GABBR2: variants seen among roughly 807,000 people sequenced by gnomAD.
GABBR2 encodes gamma-aminobutyric acid type B receptor subunit 2, also known as G-protein coupled receptor 51.
A neutral mutation model predicts 105.6 loss-of-function variants in GABBR2; 23 were observed. That is an observed-to-expected ratio of 0.22 (90% CI 0.16 to 0.31). The LOEUF is 0.31. Among genes scored for constraint, GABBR2 ranks in the 10% least tolerant of loss-of-function variants. The pLI, the probability that GABBR2 is intolerant of heterozygous loss-of-function variation, is 1.00. For synonymous variants in GABBR2, 478 were observed against 499.7 expected, an observed-to-expected ratio of 0.96 and a Z score of 0.58; for missense variants, 734 against 1,245.5, an observed-to-expected ratio of 0.59 and a Z score of 6.18.
intron 6 of GABBR2, among the ~76,000 whole-genome samples, chr9:98,455,754 C>T (rs534248507): frequency 1.3e-5 from 2 of 152,304 alleles, no homozygotes; most frequent in South Asian, 2.1e-4. Context: ...TGGAGCCCAC[C>T]GGGGCCAAGA....
intron 1 of GABBR2, among the ~76,000 whole-genome samples, chr9:98,627,287 C>T (rs1292704076): frequency 2.0e-5 from 3 of 152,118 alleles, no homozygotes; most frequent in Non-Finnish European, 4.4e-5. Context: ...CCATCATCTT[C>T]CTCGGAGGCC....
In GABBR2 at chr9:98,454,209, C is replaced by A. The variant is rs1826284928; in HGVS notation, c.1008G>T (p.Gln336His). 1 of 1,610,366 alleles carries A rather than the reference C, an allele frequency of 6.2e-7. No homozygotes were observed. The highest frequency in any genetic ancestry group is 8.5e-7 in the Non-Finnish European group (1 of 1,176,550). ...TGTTGTTGTACTCTCTCTCATACTG[C>A]TGTGGAGTCTGGAAAAACAGGGGAT... Reference protein sequence around the residue: ...QIKTISGKTPQQYEREYNNKR... With the variant: ...QIKTISGKTPHQYEREYNNKR... Residue 336 changes from glutamine (Q) to histidine (H), a missense_variant, in exon 7 of 19, where the codon CAG becomes CAT. This residue lies in a region of GABBR2 where 370 missense variants were observed against 648.9 expected (regional missense o/e 0.57). Coordinates refer to ENST00000259455, the MANE Select transcript of GABBR2 (RefSeq NM_005458.8). The surrounding 1 kb of genome is among the most constrained non-coding windows in gnomAD (Gnocchi z 4.6).
chr9:98,301,883 A>C (rs1398035073), intron 16 of GABBR2, among the ~76,000 whole-genome samples: 1 of 152,130 alleles, frequency 6.6e-6, no homozygotes, highest in African/African-American at 2.4e-5. Context: ...TAAAGCAGTC[A>C]TCTTTAGGTG....
chr9:98,335,242 G>A (rs1020576412), intron 13 of GABBR2, among the ~76,000 whole-genome samples: 4 of 152,110 alleles, frequency 2.6e-5, no homozygotes, highest in Admixed American at 2.0e-4. Context: ...GCTCTTTGGG[G>A]TCTGCACACA....
At chr9:98,676,688 G>A (rs909229499) in intron 1 of GABBR2, among the ~76,000 whole-genome samples, 10 of 152,186 alleles carry the variant, frequency 6.6e-5, no homozygotes, top group African/African-American at 2.4e-5. Flanking sequence ...CCTATAGCAC[G>A]ATGGGACAAC....
intron 7 of GABBR2, among the ~76,000 whole-genome samples, chr9:98,439,352 T>A (rs1316501890): frequency 6.6e-6 from 1 of 152,208 alleles, no homozygotes; most frequent in African/African-American, 2.4e-5. Context: ...AGGCTTTGCT[T>A]CTTCTTTGTT....
intron 7 of GABBR2, among the ~76,000 whole-genome samples, chr9:98,415,792 C>T (rs913257532): frequency 2.0e-5 from 3 of 152,266 alleles, no homozygotes; most frequent in Admixed American, 6.5e-5. Context: ...GGTCACATAA[C>T]GAGTAGGCAA....
In GABBR2 at chr9:98,509,317, G is replaced by A. The variant is rs568005980; in HGVS notation, c.631-12803C>T. ...AAGGTAGATAAAACCACAAAGATGG[G>A]AAAAAAACAGAGCAGAAAAACTGGA... On this transcript the variant is annotated intron_variant, in intron 3 of 18. Coordinates refer to ENST00000259455, the MANE Select transcript of GABBR2 (RefSeq NM_005458.8). Among the ~76,000 whole-genome samples the A allele has an allele frequency of 6.6e-5, 10 of 152,150 alleles. No individual in the cohort carries two copies. In the East Asian group the frequency reaches 1.5e-3, roughly 24 times the overall value.
At chr9:98,423,465 T>C (rs911504085) in intron 7 of GABBR2, among the ~76,000 whole-genome samples, 1 of 152,232 alleles carries the variant, frequency 6.6e-6, no homozygotes, top group Non-Finnish European at 1.5e-5. Context: ...TGTTTTTTTC[T>C]TGTAAATTTG....
Position 98,388,832 on chromosome 9 carries a change from G to A in GABBR2, c.1529+22C>T. 6.2e-7 allele frequency: 1 copy of A among 1,600,614 alleles called. No individual in the cohort carries two copies. Among genetic ancestry groups the A allele is most frequent in the Non-Finnish European group, 8.5e-7 (1 of 1,169,896 alleles). Reference sequence around the variant, plus strand: ...TGTCAATTTAGAAAGTGATATCACAGAGGAGGACCAGGGTGGCTTACTTCT... The same window carrying A: ...TGTCAATTTAGAAAGTGATATCACAAAGGAGGACCAGGGTGGCTTACTTCT... On this transcript the variant is annotated intron_variant, in intron 10 of 18. Coordinates refer to ENST00000259455, the MANE Select transcript of GABBR2 (RefSeq NM_005458.8). This position sits in a 1 kb window ranked among gnomAD's most constrained non-coding sequence, Gnocchi z 4.4.
At chr9:98,324,493 G>GACACAC (rs3983548) in intron 13 of GABBR2, among the ~76,000 whole-genome samples, 1,919 of 143,318 alleles carry the variant, frequency 0.013, 19 homozygotes, top group Non-Finnish European at 0.016. Context: ...CTACAGAGCC[G>GACACAC]ACACACACAC....
chr9:98,477,893 C>G (rs1055558742), intron 5 of GABBR2, among the ~76,000 whole-genome samples: 1 of 152,112 alleles, frequency 6.6e-6, no homozygotes, highest in Non-Finnish European at 1.5e-5. Context: ...ATGAAGCAGA[C>G]AGGGTACGGA....
At chr9:98,627,636 A>C (rs746737867) in intron 1 of GABBR2, among the ~76,000 whole-genome samples, 1 of 152,242 alleles carries the variant, frequency 6.6e-6, no homozygotes, top group Non-Finnish European at 1.5e-5. Context: ...AGAAGTGTCC[A>C]CACAGGGCAG....
chr9:98,298,432 A>G lies in GABBR2; in HGVS notation c.2542+792T>C, dbSNP rs533040673. On this transcript the variant is annotated intron_variant, in intron 17 of 18. Transcript: ENST00000259455. ...CTGTGTTCATCTCTGCACACCTGGGAGTATTTGCAAGGGGCAGGTTCCTGC... is the reference window on the plus strand; with the variant it reads ...CTGTGTTCATCTCTGCACACCTGGGGGTATTTGCAAGGGGCAGGTTCCTGC... Among the ~76,000 whole-genome samples the G allele has an allele frequency of 5.3e-5, 8 of 152,336 alleles. No homozygotes were observed. The South Asian group carries it at 1.5e-3, about 28-fold the overall frequency.
At chr9:98,610,724 A>G (rs534985729) in intron 1 of GABBR2, among the ~76,000 whole-genome samples, 2 of 152,162 alleles carry the variant, frequency 1.3e-5, no homozygotes, top group Admixed American at 6.5e-5. Context: ...GGGCCTCCAG[A>G]GAGACCCTGG....
At chr9:98,668,513 A>G (rs1830366097) in intron 1 of GABBR2, among the ~76,000 whole-genome samples, 1 of 152,230 alleles carries the variant, frequency 6.6e-6, no homozygotes, top group African/African-American at 2.4e-5. Flanking sequence ...GTGGCAAAAT[A>G]CACATAACAT....
At position 98,577,946 on chromosome 9, in the gene GABBR2, T is replaced by C. The variant is rs200293086; in HGVS notation, c.448A>G (p.Asn150Asp). Reference sequence around the variant, plus strand: ...AGCTCAGACCTTACCTGCACCAGATTCCAGCCTTGGAGGGACTCTGCAATG... The same window carrying C: ...AGCTCAGACCTTACCTGCACCAGATCCCAGCCTTGGAGGGACTCTGCAATG... Reference protein sequence around the residue: ...SIIAESLQGWNLVQLSFAATT... With the variant: ...SIIAESLQGWDLVQLSFAATT... The change falls in exon 2 of 19, where the codon AAT (asparagine) becomes GAT (aspartate). Residue 150 changes from asparagine to aspartate, a missense_variant. Coordinates refer to ENST00000259455, the MANE Select transcript of GABBR2 (RefSeq NM_005458.8). 2 of 1,611,788 alleles carry C rather than the reference T, an allele frequency of 1.2e-6. No homozygotes were observed. Among genetic ancestry groups the C allele is most frequent in the African/African-American group, 1.3e-5 (1 of 74,818 alleles).
At chr9:98,556,097 C>T (rs1163529101) in intron 2 of GABBR2, among the ~76,000 whole-genome samples, 1 of 152,138 alleles carries the variant, frequency 6.6e-6, no homozygotes, top group Non-Finnish European at 1.5e-5. Context: ...CAAAACAGAA[C>T]AGAGGAGGAA....
intron 16 of GABBR2, among the ~76,000 whole-genome samples, chr9:98,300,460 C>A (rs1830451052): frequency 6.6e-6 from 1 of 152,108 alleles, no homozygotes; most frequent in African/African-American, 2.4e-5. Context: ...CCAGGTTATA[C>A]AAAAATCAGG....
Sources: gnomAD v4.1 joint callset for allele counts (sites outside exome capture counted in the v4.1 genomes callset) on GRCh38, gnomAD v4.1.1 for gene constraint, gnomAD v4.1.1 regional missense constraint, Gnocchi (gnomAD v3.1) non-coding constraint, MANE v1.5 for transcripts, NCBI Gene and HGNC (gene_info 2026-07-23, HGNC 2026-07-21) for gene names.